SLC5A10: variants seen among roughly 807,000 people sequenced by gnomAD.
SLC5A10 encodes the protein sodium/mannose cotransporter SLC5A10.
A neutral mutation model predicts 68.9 loss-of-function variants in SLC5A10; 55 were observed. That is an observed-to-expected ratio of 0.80 (90% CI 0.64 to 1.00). The LOEUF (loss-of-function observed/expected upper bound fraction) is 1.00, where lower values mean the gene tolerates loss of function less well. Among genes scored for constraint, SLC5A10 ranks in the 50% least tolerant of loss-of-function variants. SLC5A10 has a pLI of 0.00. For missense variants in SLC5A10, 732 were observed against 819.3 expected, an observed-to-expected ratio of 0.89 and a Z score of 1.30; for synonymous variants, 344 against 344.8, an observed-to-expected ratio of 1.00 and a Z score of 0.02.
upstream of SLC5A10, among the ~76,000 whole-genome samples, chr17:18,951,464 G>A (rs1348689804): frequency 2.0e-5 from 3 of 152,280 alleles, no homozygotes; most frequent in East Asian, 3.8e-4. Context: ...TCCGTGAAAT[G>A]GGATCATGTG....
chr17:18,950,744 C>T, upstream of SLC5A10: 1 of 969,198 alleles, frequency 1.0e-6, no homozygotes, highest in Non-Finnish European at 1.2e-6. Context: ...GAGATGGAGT[C>T]TCCCTCTGTT....
At chr17:18,978,656 G>C (rs199992271) in intron 9 of SLC5A10, 5 of 1,612,992 alleles carry the variant, frequency 3.1e-6, no homozygotes, top group Non-Finnish European at 4.2e-6. Context: ...CACAGTGCCC[G>C]CGGGCACCAG....
chr17:18,997,647 C>T (rs2043601166), intron 9 of SLC5A10, among the ~76,000 whole-genome samples: 1 of 152,196 alleles, frequency 6.6e-6, no homozygotes. Context: ...CAAAGCACAC[C>T]AGGGCAGGGC....
chr17:18,962,257 G>C (rs1400616447), intron 5 of SLC5A10, among the ~76,000 whole-genome samples: 3 of 152,310 alleles, frequency 2.0e-5, no homozygotes, highest in African/African-American at 7.2e-5. Flanking sequence ...AGCGGGGCTT[G>C]CTGGGGGTGG....
At position 19,017,292 on chromosome 17, in the gene SLC5A10, T is replaced by TATCCTCAAC. The variant is rs1567815834; in HGVS notation, c.1241+2094_1241+2095insTCCTCAACA. On this transcript the variant is annotated intron_variant, in intron 11 of 14. Coordinates refer to ENST00000395645, the MANE Select transcript of SLC5A10 (RefSeq NM_001042450.4). This position sits in a 1 kb window ranked among gnomAD's most constrained non-coding sequence, Gnocchi z 5.6. ...TCCCGTCCCTCTTACAGCACTGGGA[T>TATCCTCAAC]ACCCTCAACACCCCCAGCCCCTCAA... The TATCCTCAAC allele has an allele frequency of 6.4e-7, 1 of 1,552,026 alleles. No individual in the cohort carries two copies. The highest frequency in any genetic ancestry group is 1.2e-5 in the South Asian group (1 of 84,054).
Position 19,020,571 on chromosome 17 carries a change from C to A in SLC5A10, c.*140C>A. On this transcript the variant is annotated 3_prime_UTR_variant, in exon 15 of 15. Coordinates refer to ENST00000395645, the MANE Select transcript of SLC5A10 (RefSeq NM_001042450.4). ...CTCGGTGCCCAAGAACTGGCCAAGC[C>A]AGCAAAGCGGGAGCCCTGAAAAATT... 1 of 732,116 alleles carries A rather than the reference C, an allele frequency of 1.4e-6. No individual in the cohort carries two copies. Among genetic ancestry groups the A allele is most frequent in the Non-Finnish European group, 2.2e-6 (1 of 454,758 alleles). The allele number at this position is 732,116 out of a possible 1,614,324, so 45.4% of individuals were successfully genotyped here.
At chr17:18,995,660 C>A (rs2043548350) in intron 9 of SLC5A10, among the ~76,000 whole-genome samples, 1 of 152,208 alleles carries the variant, frequency 6.6e-6, no homozygotes, top group Non-Finnish European at 1.5e-5. Context: ...ATAATCCCAG[C>A]ACTTTGGGAG....
At chr17:18,985,800 G>A (rs2043255373) in intron 9 of SLC5A10, among the ~76,000 whole-genome samples, 1 of 152,196 alleles carries the variant, frequency 6.6e-6, no homozygotes, top group Admixed American at 6.5e-5. Context: ...CAGGGCAGGC[G>A]GGGCCAGGGA....
At chr17:18,986,077 G>C (rs1421427241) in intron 9 of SLC5A10, 2 of 152,324 alleles carry the variant, frequency 1.3e-5, no homozygotes, top group African/African-American at 4.8e-5. Flanking sequence ...CACACACCCA[G>C]GACCCACAGC....
chr17:18,959,498 G>A (rs1159771479), intron 3 of SLC5A10, 106 bp from the exon 4 acceptor site: 4 of 1,280,190 alleles, frequency 3.1e-6, no homozygotes, highest in South Asian at 1.2e-5. Context: ...GAGGGGCTGG[G>A]GGAAGCCAGG....
rs1474436599 is a variant in SLC5A10, at chr17:19,021,886, G to A, written c.*1455G>A. 1.3e-5 allele frequency: 18 copies of A among 1,390,364 alleles called. No individual in the cohort carries two copies. Among genetic ancestry groups the A allele is most frequent in the African/African-American group, 3.0e-5 (2 of 67,692 alleles). The allele number at this position is 1,390,364 out of a possible 1,614,324, so 86.1% of individuals were successfully genotyped here. A position where few individuals can be genotyped will look rare whatever the true frequency, so the allele number is the denominator to read the frequency against. ...AGCCCCGTGTGACTCTGACAGAGCT[G>A]GGGGTGTCCATGTCCTCTCTGGACC... On this transcript the variant is annotated 3_prime_UTR_variant, in exon 15 of 15. Coordinates refer to ENST00000395645, the MANE Select transcript of SLC5A10 (RefSeq NM_001042450.4). The surrounding 1 kb of genome is among the most constrained non-coding windows in gnomAD (Gnocchi z 4.1).
Position 19,003,430 on chromosome 17 carries a change from G to A in SLC5A10, c.983-9980G>A. On this transcript the variant is annotated intron_variant, in intron 9 of 14. Transcript: ENST00000395645. The surrounding 1 kb of genome is among the most constrained non-coding windows in gnomAD (Gnocchi z 4.5). ...AGAGATCCCTAGAAGCCCATGTTGGGCTCCCGTTTTGGGCTCTGAGTGAGC... is the reference window on the plus strand; with the variant it reads ...AGAGATCCCTAGAAGCCCATGTTGGACTCCCGTTTTGGGCTCTGAGTGAGC... The A allele has an allele frequency of 7.3e-7, 1 of 1,360,610 alleles. No homozygotes were observed. Among genetic ancestry groups the A allele is most frequent in the Non-Finnish European group, 9.7e-7 (1 of 1,034,790 alleles). 84.3% of individuals were successfully genotyped at this position (1,360,610 alleles called of 1,614,324 possible).
At chr17:18,988,157 G>T (rs762149743) in intron 9 of SLC5A10, 4 of 1,532,740 alleles carry the variant, frequency 2.6e-6, no homozygotes, top group Non-Finnish European at 2.6e-6. Context: ...ACAGGACTCC[G>T]TCCAGAGCAG....
intron 1 of SLC5A10, among the ~76,000 whole-genome samples, chr17:18,956,465 G>GT (rs750867503): frequency 0.024 from 2,392 of 97,986 alleles, 98 homozygotes; most frequent in East Asian, 0.055. Flanking sequence ...TTTTCTTTCT[G>GT]TTTTTTTTTT....
Position 18,971,770 on chromosome 17 carries a change from G to A in SLC5A10, c.846+552G>A. 1 of 1,535,426 alleles carries A rather than the reference G, an allele frequency of 6.5e-7. No individual in the cohort carries two copies. Among genetic ancestry groups the A allele is most frequent in the Non-Finnish European group, 8.8e-7 (1 of 1,140,346 alleles). ...GGCCCTGGGAGAGAGAGAGCAGAGA[G>A]TGAGGCTGAGCAAGAAGGGCCAACC... On this transcript the variant is annotated intron_variant, in intron 8 of 14. Coordinates refer to ENST00000395645, the MANE Select transcript of SLC5A10 (RefSeq NM_001042450.4). This position sits in a 1 kb window ranked among gnomAD's most constrained non-coding sequence, Gnocchi z 5.5.
At chr17:18,998,303 T>C (rs2043618859) in intron 9 of SLC5A10, among the ~76,000 whole-genome samples, 1 of 152,224 alleles carries the variant, frequency 6.6e-6, no homozygotes, top group South Asian at 2.1e-4. Flanking sequence ...CTGATCCCCA[T>C]TTTACAAGTG....
At chr17:18,991,022 A>G (rs2043408776) in intron 9 of SLC5A10, among the ~76,000 whole-genome samples, 1 of 152,068 alleles carries the variant, frequency 6.6e-6, no homozygotes, top group Non-Finnish European at 1.5e-5. Context: ...GATGGTTTAT[A>G]AGGAGCCTTT....
At position 18,996,500 on chromosome 17, in the gene SLC5A10, G is replaced by A. The variant is rs1194177795; in HGVS notation, c.983-16910G>A. Among the ~76,000 whole-genome samples, 1 of 152,140 alleles carries A rather than the reference G, an allele frequency of 6.6e-6. No homozygotes were observed. Among genetic ancestry groups the A allele is most frequent in the Non-Finnish European group, 1.5e-5 (1 of 68,018 alleles). ...CCACCTCCTGGCAATCTCCAAACCAGTTTGCCCATATAATGTCTCTGAAAG... is the reference window on the plus strand; with the variant it reads ...CCACCTCCTGGCAATCTCCAAACCAATTTGCCCATATAATGTCTCTGAAAG... On this transcript the variant is annotated intron_variant, in intron 9 of 14. Transcript: ENST00000395645. The surrounding 1 kb of genome is among the most constrained non-coding windows in gnomAD (Gnocchi z 4.4).
intron 5 of SLC5A10, among the ~76,000 whole-genome samples, chr17:18,967,933 G>A (rs2042745462): frequency 1.5e-5 from 2 of 131,014 alleles, no homozygotes; most frequent in South Asian, 5.3e-4. Flanking sequence ...CACACACACA[G>A]CCAAAGATAA....
Sources: allele counts gnomAD v4.1 joint callset (sites outside exome capture counted in the v4.1 genomes callset), GRCh38; gene constraint gnomAD v4.1.1; non-coding constraint Gnocchi (gnomAD v3.1); transcripts MANE v1.5; gene names NCBI Gene and HGNC (gene_info 2026-07-23, HGNC 2026-07-21).